The following SLC14A2 variants were observed in gnomAD, a reference collection of about 807,000 sequenced individuals.
The protein encoded by SLC14A2 is solute carrier family 14 member 2.
In SLC14A2, 91 loss-of-function variants were observed where a neutral mutation model predicts 104.6. The ratio of observed to expected loss-of-function variants is 0.87; its 90% CI spans 0.73 to 1.04. The LOEUF is 1.04. Ranked by LOEUF, SLC14A2 falls within the 50% of genes least tolerant of loss-of-function variation. The pLI is 0.00. For missense variants in SLC14A2, 1,189 were observed against 1,156.0 expected (o/e 1.03, Z -0.41); for synonymous variants, 476 against 466.4 (o/e 1.02, Z -0.27).
At chr18:45,253,518 G>T (rs2084444766) in intron 1 of SLC14A2, among the ~76,000 whole-genome samples, 3 of 137,890 alleles carry the variant, frequency 2.2e-5, no homozygotes, top group African/African-American at 8.2e-5. Flanking sequence ...TCAAATGACT[G>T]CAAAAAAAAA....
intron 1 of SLC14A2, among the ~76,000 whole-genome samples, chr18:45,414,751 A>ATATATATATATATATAT (rs1568189973): frequency 5.6e-5 from 4 of 70,876 alleles, no homozygotes; most frequent in African/African-American, 2.3e-4. Context: ...GCGTAAAAAA[A>ATATATATATATATATAT]AAAAAAATAT....
chr18:45,415,174 G>T (rs886400782), intron 1 of SLC14A2, among the ~76,000 whole-genome samples: 3 of 152,030 alleles, frequency 2.0e-5, no homozygotes, highest in Non-Finnish European at 2.9e-5. Flanking sequence ...TTGACCTTTC[G>T]TGCAGGTTGC....
At position 45,361,839 on chromosome 18, in the gene SLC14A2, C is replaced by T. The variant is rs577545706; in HGVS notation, c.-124-121394C>T. On this transcript the variant is annotated intron_variant, in intron 1 of 20. Coordinates refer to the SLC14A2 transcript ENST00000586448. Reference sequence around the variant, plus strand: ...AATCTTGAAAACCACTGGGTTAAAACAAAGTTTCCTGATAATTGCTGCATG... The same window carrying T: ...AATCTTGAAAACCACTGGGTTAAAATAAAGTTTCCTGATAATTGCTGCATG... Among the ~76,000 whole-genome samples, 378 of 152,074 alleles carry T rather than the reference C, an allele frequency of 2.5e-3. 3 individuals are homozygous for T. The highest frequency in any genetic ancestry group is 8.6e-3 in the African/African-American group (358 of 41,460).
At chr18:45,568,650 C>G (rs1281186749) in intron 2 of SLC14A2, among the ~76,000 whole-genome samples, 3 of 152,210 alleles carry the variant, frequency 2.0e-5, no homozygotes, top group Non-Finnish European at 4.4e-5. Context: ...AAGGCAGCTC[C>G]TTTGTCACCT....
intron 1 of SLC14A2, among the ~76,000 whole-genome samples, chr18:45,281,986 A>G (rs1398347537): frequency 6.6e-6 from 1 of 151,974 alleles, no homozygotes; most frequent in African/African-American, 2.4e-5. Context: ...CTCCTTTCCC[A>G]TGAAGCTGAT....
chr18:45,239,210 C>T lies in SLC14A2; in HGVS notation c.-125+26019C>T, dbSNP rs560818498. 6.6e-5 allele frequency among the ~76,000 whole-genome samples: 10 copies of T among 152,240 alleles called. No individual in the cohort carries two copies. In the East Asian group the frequency reaches 1.4e-3, roughly 21 times the overall value. On this transcript the variant is annotated intron_variant, in intron 1 of 20. Transcript: ENST00000586448. ...AGGAAACTACAAGCCAGTCCCAAAT[C>T]CCCCCAAGTACCAAGTAAAGTGTCA...
At chr18:45,680,192 C>A (rs2046291182) in intron 19 of SLC14A2, among the ~76,000 whole-genome samples, 1 of 152,212 alleles carries the variant, frequency 6.6e-6, no homozygotes, top group Admixed American at 6.5e-5. Flanking sequence ...TATACCCATC[C>A]ATTCACCCAG....
At chr18:45,214,926 AAAAAAAAAAGAAAAGAAATAAAAG>A (rs1209436891) in intron 1 of SLC14A2, among the ~76,000 whole-genome samples, 97 of 151,356 alleles carry the variant, frequency 6.4e-4, no homozygotes, top group African/African-American at 2.3e-3. Flanking sequence ...AAAAAAAAAA[AAAAAAAAAAGAAAAGAAATAAAAG>A]AAAAAAAAGA....
chr18:45,402,569 T>A (rs570789042), intron 1 of SLC14A2, among the ~76,000 whole-genome samples: 3 of 152,334 alleles, frequency 2.0e-5, no homozygotes, highest in South Asian at 4.2e-4. Context: ...TCCCAGTAGA[T>A]CTTGTCAACA....
chr18:45,335,946 T>C (rs897187369), intron 1 of SLC14A2, among the ~76,000 whole-genome samples: 3 of 152,190 alleles, frequency 2.0e-5, no homozygotes, highest in Admixed American at 1.3e-4. Flanking sequence ...GCAAGCTTAA[T>C]GGGGCGATAA....
chr18:45,279,481 G>A (rs1164423305), intron 1 of SLC14A2, among the ~76,000 whole-genome samples: 1 of 152,050 alleles, frequency 6.6e-6, no homozygotes, highest in East Asian at 1.9e-4. Context: ...CTTCTGAACT[G>A]TTTTCAAGTG....
At chr18:45,472,914 C>T (rs1428800958) in intron 1 of SLC14A2, among the ~76,000 whole-genome samples, 1 of 152,144 alleles carries the variant, frequency 6.6e-6, no homozygotes, top group Non-Finnish European at 1.5e-5. Flanking sequence ...GCTTTTGTTG[C>T]CATTGCTTTT....
At chr18:45,238,197 T>C (rs933632992) in intron 1 of SLC14A2, among the ~76,000 whole-genome samples, 3 of 152,230 alleles carry the variant, frequency 2.0e-5, no homozygotes, top group African/African-American at 4.8e-5. Context: ...GGTAGTATTA[T>C]ATCAGGTTTC....
the SLC14A2 span, among the ~76,000 whole-genome samples, chr18:45,187,353 T>C: frequency 2.0e-5 from 3 of 152,224 alleles, no homozygotes; most frequent in African/African-American, 7.2e-5. Context: ...CTTTTGAGAT[T>C]GAGGTGGAAA....
Position 45,421,778 on chromosome 18 carries a change from A to G in SLC14A2, c.-124-61455A>G, listed in dbSNP as rs145912190. Among the ~76,000 whole-genome samples the G allele has an allele frequency of 9.8e-3, 1,499 of 152,286 alleles. 16 individuals carry two copies. The highest frequency in any genetic ancestry group is 0.024 in the African/African-American group (1,000 of 41,556). Reference sequence around the variant, plus strand: ...GACCTCTGAAGGCCTCAAAGAATGGAGAGATGAATGCCTAAGAGTTAATTA... The same window carrying G: ...GACCTCTGAAGGCCTCAAAGAATGGGGAGATGAATGCCTAAGAGTTAATTA... On this transcript the variant is annotated intron_variant, in intron 1 of 20. Coordinates refer to the SLC14A2 transcript ENST00000586448.
intron 2 of SLC14A2, chr18:45,527,740 G>A (rs555174903): frequency 1.3e-4 from 20 of 152,292 alleles, no homozygotes; most frequent in African/African-American, 4.8e-4. Context: ...TCATAGAATT[G>A]TGAGGATTAA....
chr18:45,593,312 G>A (rs1448100648), intron 2 of SLC14A2, among the ~76,000 whole-genome samples: 4 of 150,306 alleles, frequency 2.7e-5, no homozygotes, highest in Admixed American at 6.6e-5. Context: ...GCAAGACTCC[G>A]TCTCACAAAA....
rs760635115 is a variant in SLC14A2 at position 45,624,761 on chromosome 18, A to T, written c.97A>T (p.Thr33Ser). The T allele has an allele frequency of 2.5e-4, 409 of 1,613,304 alleles. 4 individuals are homozygous for T. The East Asian group carries it at 8.8e-3, about 35-fold the overall frequency. ...GTTTACCAGCCCGAGCTGGCCCTCG[A>T]CATCCCCGGATACTCACCCAGCTCT... The part of the protein sequence containing the change: ...AEFTSPSWPS[T>S]SPDTHPALPL... Residue 33 changes from threonine (T) to serine (S), a missense_variant, in exon 2 of 20, where the codon ACA becomes TCA. Thr to Ser is a moderately conservative substitution (Grantham distance 58). Coordinates refer to ENST00000255226, the MANE Select transcript of SLC14A2 (RefSeq NM_007163.4).
At chr18:45,425,920 C>T (rs1307525383) in intron 1 of SLC14A2, among the ~76,000 whole-genome samples, 1 of 151,908 alleles carries the variant, frequency 6.6e-6, no homozygotes, top group Non-Finnish European at 1.5e-5. Context: ...GTGTGCTGTC[C>T]CCGACTTCAG....
Sources: gnomAD v4.1 joint callset for allele counts (sites outside exome capture counted in the v4.1 genomes callset) on GRCh38, gnomAD v4.1.1 for gene constraint, MANE v1.5 for transcripts, NCBI Gene and HGNC (gene_info 2026-07-23, HGNC 2026-07-21) for gene names.